The following SLC35A4 variants were observed in gnomAD, a reference collection of about 807,000 sequenced individuals.
SLC35A4 encodes probable UDP-sugar transporter protein SLC35A4.
A neutral mutation model predicts 18.8 loss-of-function variants in SLC35A4; 9 were observed. The observed-to-expected ratio is 0.48, with a 90% confidence interval of 0.29 to 0.83. The LOEUF (loss-of-function observed/expected upper bound fraction) is 0.83. Ranked by LOEUF, SLC35A4 falls within the 40% of genes least tolerant of loss-of-function variation. The pLI, the probability that SLC35A4 is intolerant of heterozygous loss-of-function variation, is 0.09. For missense variants in SLC35A4, 404 were observed against 415.5 expected, an observed-to-expected ratio of 0.97 and a Z score of 0.24; for synonymous variants, 189 against 191.9, an observed-to-expected ratio of 0.98 and a Z score of 0.13.
At chr5:140,565,181 C>G (rs1755154985) in intron 1 of SLC35A4, 1 of 333,520 alleles carries the variant, frequency 3.0e-6, no homozygotes, top group Non-Finnish European at 5.4e-6. Context: ...CCCAGTGACA[C>G]GATGTTTCCA....
Position 140,567,559 on chromosome 5 carries a change from C to CTG in SLC35A4, c.391_392dup (p.Leu132AlafsTer14). 6.2e-7 allele frequency: 1 copy of CTG among 1,614,218 alleles called. No individual in the cohort carries two copies. The highest frequency in any genetic ancestry group is 1.1e-5 in the South Asian group (1 of 91,084). ...AGATTGGAAGCACAGCTGTGCTCTA[C>CTG]TGCCTCTGCCTCCGGCACCGCCTCT... is the stretch of plus-strand genomic sequence containing the variant. On this transcript the variant is annotated frameshift_variant, in exon 3 of 3. Coordinates refer to ENST00000323146, the MANE Select transcript of SLC35A4 (RefSeq NM_080670.4). LOFTEE classifies it high-confidence loss of function.
At chr5:140,566,017 A>C in intron 2 of SLC35A4, 46 bp downstream of exon 2, 1 of 398,844 alleles carries the variant, frequency 2.5e-6, no homozygotes, top group Non-Finnish European at 4.4e-6. Context: ...TTATTGCCCA[A>C]CATGCTCTTG....
At position 140,567,691 on chromosome 5, in the gene SLC35A4, A is replaced by G. The variant is rs1310824001; in HGVS notation, c.522A>G (p.Ala174=). ...ACACCCTTCCCAGTCCCCCTCCAGC[A>G]GCTGCTGCCAGCCCCATGCCCCTGC... The part of the protein sequence containing the change: ...PGNTLPSPPP[A]AAASPMPLHI... Residue 174 remains alanine, a synonymous_variant, in exon 3 of 3, where the codon GCA becomes GCG. Transcript: ENST00000323146. The G allele has an allele frequency of 6.2e-7, 1 of 1,614,076 alleles. No individual in the cohort carries two copies. The highest frequency in any genetic ancestry group is 1.1e-5 in the South Asian group (1 of 91,082).
In SLC35A4 at chr5:140,567,632, T is replaced by C. The variant is rs769125483; in HGVS notation, c.463T>C (p.Cys155Arg). 10 of 1,614,218 alleles carry C rather than the reference T, an allele frequency of 6.2e-6. No homozygotes were observed. The South Asian group carries it at 1.1e-4, about 18-fold the overall frequency. ...ALLLLMAAGA[C>R]YAAGGLQVPG... ...GCTGCTGCTGATGGCTGCGGGAGCC[T>C]GCTATGCAGCAGGGGGCCTTCAAGT... The change falls in exon 3 of 3, where the codon TGC (cysteine) becomes CGC (arginine). Residue 155 changes from cysteine (C) to arginine (R), a missense_variant. Coordinates refer to ENST00000323146, the MANE Select transcript of SLC35A4 (RefSeq NM_080670.4).
At position 140,567,416 on chromosome 5, in the gene SLC35A4, T is replaced by G. The variant is rs752130353; in HGVS notation, c.247T>G (p.Trp83Gly). ...AGCATGGCCCCAGGGGCCCCCACCC[T>G]GGCGCCAGGCTGCTCCCTTCGCACT... ...WQAWPQGPPP[W>G]RQAAPFALSA... Residue 83 changes from tryptophan (W) to glycine (G), a missense_variant, in exon 3 of 3, where the codon TGG (tryptophan) becomes GGG (glycine). Physicochemically the swap from Trp to Gly is radical, Grantham distance 184 (BLOSUM62 -2). Coordinates refer to ENST00000323146, the MANE Select transcript of SLC35A4 (RefSeq NM_080670.4). 1.5e-5 allele frequency: 24 copies of G among 1,614,126 alleles called. No individual in the cohort carries two copies. In the South Asian group the frequency reaches 2.1e-4, roughly 14 times the overall value.
rs1755213424 is a variant in SLC35A4, at chr5:140,567,376, TCTGGTAGG to T, written c.212_219del (p.Val71AlafsTer26). 6.2e-7 allele frequency: 1 copy of T among 1,614,046 alleles called. No homozygotes were observed. The highest frequency in any genetic ancestry group is 1.1e-5 in the South Asian group (1 of 91,092). Reference sequence around the variant, plus strand: ...AGCTACTGTTATGCGCCTTCTCCCTTCTGGTAGGCTGGCAAGCATGGCCCCAGGGGCCC... The same window carrying T: ...AGCTACTGTTATGCGCCTTCTCCCTTCTGGCAAGCATGGCCCCAGGGGCCC... On this transcript the variant is annotated frameshift_variant, in exon 3 of 3. Transcript: ENST00000323146. LOFTEE classifies it high-confidence loss of function.
At position 140,564,924 on chromosome 5, in the gene SLC35A4, CG is replaced by C. The variant is rs1561877550; in HGVS notation, c.-705+70del. On this transcript the variant is annotated intron_variant, in intron 1 of 2. Transcript: ENST00000323146. The surrounding 1 kb of genome is among the most constrained non-coding windows in gnomAD (Gnocchi z 5.0). ...TCACTCTCCTTGACCTTTTTAGTTC[CG>C]GGGAGAAGCGACTCTGGAGCGGCTC... 3.1e-6 allele frequency: 1 copy of C among 325,814 alleles called. No individual in the cohort carries two copies. The highest frequency in any genetic ancestry group is 5.5e-6 in the Non-Finnish European group (1 of 182,022). The allele number at this position is 325,814 out of a possible 1,614,324, so 20.2% of individuals were successfully genotyped here.
intron 1 of SLC35A4, chr5:140,565,118 C>T: frequency 2.6e-6 from 1 of 390,486 alleles, no homozygotes. Flanking sequence ...CAAAAACATT[C>T]ACCCTTAAAC....
At chr5:140,565,135 C>T in intron 1 of SLC35A4, 2 of 380,740 alleles carry the variant, frequency 5.3e-6, no homozygotes, top group Middle Eastern at 6.6e-4. Flanking sequence ...AAACACTCCT[C>T]ACTTTACCCC....
At chr5:140,565,692 C>T in intron 1 of SLC35A4, 181 bp from the exon 2 acceptor site, 1 of 381,330 alleles carries the variant, frequency 2.6e-6, no homozygotes. Flanking sequence ...CTTCCTGGCC[C>T]TCATTTGAAT....
Position 140,566,708 on chromosome 5 carries a change from C to T in SLC35A4, c.-462C>T. ...CGGCTCAGGCATATGCTGTGCCCAA[C>T]GTGGAGAAGACATTAAGGGACTATT... On this transcript the variant is annotated 5_prime_UTR_variant, in exon 3 of 3. In the 5' UTR this introduces an upstream ATG that the reference lacks. Coordinates refer to ENST00000323146, the MANE Select transcript of SLC35A4 (RefSeq NM_080670.4). 1.7e-6 allele frequency: 1 copy of T among 576,102 alleles called. No individual in the cohort carries two copies. Among genetic ancestry groups the T allele is most frequent in the South Asian group, 2.3e-5 (1 of 44,084 alleles). The allele number at this position is 576,102 out of a possible 1,614,324, so 35.7% of individuals were successfully genotyped here.
chr5:140,567,176 G>A lies in SLC35A4; in HGVS notation c.7G>A (p.Val3Ile). 2 of 1,614,242 alleles carry A rather than the reference G, an allele frequency of 1.2e-6. No homozygotes were observed. Among genetic ancestry groups the A allele is most frequent in the Non-Finnish European group, 1.7e-6 (2 of 1,180,042 alleles). Residue 3 changes from valine (V) to isoleucine (I), a missense_variant, in exon 3 of 3, where the codon GTA becomes ATA. Transcript: ENST00000323146. ...CCCAGGGTCTTGTGTGGGTATGAGT[G>A]TAGAGGATGGGGGTATGCCAGGCCT... MS[V>I]EDGGMPGLGR...
rs1409585360 is a variant in SLC35A4, at chr5:140,568,413, A to G, written c.*269A>G. 1.8e-6 allele frequency: 1 copy of G among 545,356 alleles called. No homozygotes were observed. Among genetic ancestry groups the G allele is most frequent in the African/African-American group, 1.9e-5 (1 of 52,538 alleles). The allele number at this position is 545,356 out of a possible 1,614,324, so 33.8% of individuals were successfully genotyped here. On this transcript the variant is annotated 3_prime_UTR_variant, in exon 3 of 3. Transcript: ENST00000323146. ...TCTTCCAGACTAAAGAATTAAGGTA[A>G]CATCAATACCTAGGCCTGAGAAATA...
chr5:140,564,977 C>A lies in SLC35A4; in HGVS notation c.-705+119C>A. On this transcript the variant is annotated intron_variant, in intron 1 of 2. Coordinates refer to ENST00000323146, the MANE Select transcript of SLC35A4 (RefSeq NM_080670.4). This position sits in a 1 kb window ranked among gnomAD's most constrained non-coding sequence, Gnocchi z 5.0. ...GGAGTGAGGATGTCCCTTGTTTCTT[C>A]TGCGGCTCCTGTCAACTGCCTCAAC... is the stretch of plus-strand genomic sequence containing the variant. The A allele has an allele frequency of 2.5e-6, 1 of 399,332 alleles. No individual in the cohort carries two copies. Among genetic ancestry groups the A allele is most frequent in the African/African-American group, 2.1e-5 (1 of 48,750 alleles). 24.7% of individuals were successfully genotyped at this position (399,332 alleles called of 1,614,324 possible).
Position 140,565,027 on chromosome 5 carries a change from A to C in SLC35A4, c.-705+169A>C, listed in dbSNP as rs547389958. The C allele has an allele frequency of 1.3e-5, 5 of 398,248 alleles. No homozygotes were observed. In the South Asian group the frequency reaches 6.7e-4, roughly 53 times the overall value. 24.7% of individuals were successfully genotyped at this position (398,248 alleles called of 1,614,324 possible). A position where few individuals can be genotyped will look rare whatever the true frequency, so the allele number is the denominator to read the frequency against. On this transcript the variant is annotated intron_variant, in intron 1 of 2. Coordinates refer to ENST00000323146, the MANE Select transcript of SLC35A4 (RefSeq NM_080670.4). Reference sequence around the variant, plus strand: ...CAGTGTGGAGTGGTGTGGGGAGAGCATTCGGCGAGGCGGGAGGAGCCGTGG... The same window carrying C: ...CAGTGTGGAGTGGTGTGGGGAGAGCCTTCGGCGAGGCGGGAGGAGCCGTGG...
At position 140,568,378 on chromosome 5, in the gene SLC35A4, C is replaced by T; in HGVS notation, c.*234C>T. 3 of 624,744 alleles carry T rather than the reference C, an allele frequency of 4.8e-6. No individual in the cohort carries two copies. The South Asian group carries it at 6.3e-5, about 13-fold the overall frequency. The allele number at this position is 624,744 out of a possible 1,614,324, so 38.7% of individuals were successfully genotyped here. ...AGGAAATGCTTACCATCCCCCACCCCCAACCAAGTTCTTCCAGACTAAAGA... is the reference window on the plus strand; with the variant it reads ...AGGAAATGCTTACCATCCCCCACCCTCAACCAAGTTCTTCCAGACTAAAGA... On this transcript the variant is annotated 3_prime_UTR_variant, in exon 3 of 3. Transcript: ENST00000323146.
Position 140,566,613 on chromosome 5 carries a change from T to C in SLC35A4, c.-557T>C. The C allele has an allele frequency of 2.3e-6, 1 of 440,576 alleles. No individual in the cohort carries two copies. 27.3% of individuals were successfully genotyped at this position (440,576 alleles called of 1,614,324 possible). A position where few individuals can be genotyped will look rare whatever the true frequency, so the allele number is the denominator to read the frequency against. On this transcript the variant is annotated 5_prime_UTR_variant, in exon 3 of 3. Transcript: ENST00000323146. ...GTTCCTCAAGGGATTCCTGGCTGGC[T>C]ATGTGGTGGCCAAACTGAGGGCATC...
Position 140,568,526 on chromosome 5 carries a change from G to C in SLC35A4, c.*382G>C, listed in dbSNP as rs1186400649. The stretch of plus-strand genomic sequence containing the variant: ...GTGTGGGCAACAAGTGGCTTTCCTT[G>C]CCTACTTTAGTCACCCAGCAGAGCC... On this transcript the variant is annotated 3_prime_UTR_variant, in exon 3 of 3. Transcript: ENST00000323146. 1 of 276,298 alleles carries C rather than the reference G, an allele frequency of 3.6e-6. No individual in the cohort carries two copies. Among genetic ancestry groups the C allele is most frequent in the Non-Finnish European group, 7.5e-6 (1 of 134,228 alleles). 17.1% of individuals were successfully genotyped at this position (276,298 alleles called of 1,614,324 possible).
Position 140,567,315 on chromosome 5 carries a change from G to A in SLC35A4, c.146G>A (p.Arg49Gln), listed in dbSNP as rs200352523. Residue 49 changes from arginine to glutamine, a missense_variant, in exon 3 of 3, where the codon CGG becomes CAG. Transcript: ENST00000323146. ...LCHVDGRVPF[R>Q]PSSAVLLTEL... ...CATGTGGACGGCCGAGTGCCCTTCC[G>A]GCCCTCCTCAGCCGTGCTGCTGACT... The A allele has an allele frequency of 4.0e-5, 65 of 1,614,098 alleles. No homozygotes were observed. In the African/African-American group the frequency reaches 4.7e-4, roughly 12 times the overall value.
Sources: allele counts gnomAD v4.1 joint callset, GRCh38; gene constraint gnomAD v4.1.1; non-coding constraint Gnocchi (gnomAD v3.1); transcripts MANE v1.5; gene names NCBI Gene and HGNC (gene_info 2026-07-23, HGNC 2026-07-21).